The following FRMPD4 variants were observed in gnomAD, a reference collection of about 807,000 sequenced individuals.
The protein encoded by FRMPD4 is FERM and PDZ domain-containing protein 4.
In FRMPD4, 22 loss-of-function variants were observed where a neutral mutation model predicts 94.1. The ratio of observed to expected loss-of-function variants is 0.23; its 90% CI spans 0.17 to 0.33. FRMPD4 has a LOEUF of 0.33. FRMPD4 is among the 10% of genes least tolerant of loss of function. FRMPD4 has a pLI of 1.00. For missense variants in FRMPD4, 1,111 were observed against 1,339.9 expected (o/e 0.83, Z 2.67); for synonymous variants, 631 against 548.6 (o/e 1.15, Z -2.10).
intron 2 of FRMPD4, among the ~76,000 whole-genome samples, chrX:12,566,480 A>T (rs754176718): frequency 8.9e-6 from 1 of 111,957 alleles, no homozygotes; most frequent in South Asian, 3.8e-4. Context: ...CAAAAAAAAG[A>T]TTCACTTCAT....
intron 1 of FRMPD4, among the ~76,000 whole-genome samples, chrX:11,854,523 C>T (rs1453495413): frequency 8.9e-6 from 1 of 112,262 alleles, no homozygotes; most frequent in African/African-American, 3.2e-5. Flanking sequence ...AGTAATACTT[C>T]CTAGATACAA....
chrX:12,679,920 G>C lies in FRMPD4; in HGVS notation c.469-3563G>C, dbSNP rs767673546. On this transcript the variant is annotated intron_variant, in intron 5 of 16. Coordinates refer to ENST00000675598, the MANE Select transcript of FRMPD4 (RefSeq NM_001368397.1). ...TGAGCACCTCCCAAATCAGCTACCT[G>C]TTTGTGAATCCTTGTCTTAGGTCTG... 8.1e-5 allele frequency among the ~76,000 whole-genome samples: 9 copies of C among 111,587 alleles called. No homozygotes were observed. In the South Asian group the frequency reaches 3.5e-3, roughly 43 times the overall value.
At chrX:12,340,440 G>A (rs1388888532) in intron 1 of FRMPD4, among the ~76,000 whole-genome samples, 1 of 111,645 alleles carries the variant, frequency 9.0e-6, no homozygotes, top group Non-Finnish European at 1.9e-5. Flanking sequence ...AAACTGATTA[G>A]TTAGTTGGGA....
chrX:12,589,808 A>C (rs777072755), intron 2 of FRMPD4, among the ~76,000 whole-genome samples: 3 of 112,050 alleles, frequency 2.7e-5, no homozygotes, highest in Non-Finnish European at 5.6e-5. Flanking sequence ...TGTTTCTACC[A>C]AACATTTTCT....
chrX:12,556,571 ACT>A (rs765258763), intron 2 of FRMPD4, among the ~76,000 whole-genome samples: 1 of 111,398 alleles, frequency 9.0e-6, no homozygotes, highest in Non-Finnish European at 1.9e-5. Flanking sequence ...ATTTCATGAA[ACT>A]CTGACCAGAG....
chrX:12,556,502 C>T (rs999645753), intron 2 of FRMPD4, among the ~76,000 whole-genome samples: 1 of 111,436 alleles, frequency 9.0e-6, no homozygotes, highest in African/African-American at 3.3e-5. Flanking sequence ...AAGCACTGAG[C>T]TTAGAAAAGA....
At chrX:12,307,968 G>A (rs759064452) in intron 1 of FRMPD4, among the ~76,000 whole-genome samples, 42 of 111,479 alleles carry the variant, frequency 3.8e-4, no homozygotes, top group Non-Finnish European at 1.1e-4. Flanking sequence ...ATGTGTTTGC[G>A]TGTAGCTATG....
At chrX:12,171,512 T>A (rs905985483) in intron 1 of FRMPD4, among the ~76,000 whole-genome samples, 1 of 111,020 alleles carries the variant, frequency 9.0e-6, no homozygotes, top group African/African-American at 3.3e-5. Flanking sequence ...CACTTTAGAG[T>A]AGAGCTTGGG....
chrX:12,057,779 T>A (rs1324653314), intron 3 of FRMPD4, among the ~76,000 whole-genome samples: 1 of 111,772 alleles, frequency 8.9e-6, no homozygotes, highest in Non-Finnish European at 1.9e-5. Flanking sequence ...CTTCATTTAA[T>A]AAATTTTGAA....
intron 1 of FRMPD4, among the ~76,000 whole-genome samples, chrX:12,161,159 A>G (rs1375080225): frequency 1.1e-5 from 1 of 90,449 alleles, no homozygotes; most frequent in Non-Finnish European, 2.2e-5. Context: ...TTGTGTCCCA[A>G]GAACTTTTTT....
chrX:11,903,393 T>A (rs1237809334), intron 3 of FRMPD4, among the ~76,000 whole-genome samples: 1 of 112,738 alleles, frequency 8.9e-6, no homozygotes, highest in Non-Finnish European at 1.9e-5. Flanking sequence ...TATACAGTTT[T>A]AATTCCTTGA....
intron 3 of FRMPD4, among the ~76,000 whole-genome samples, chrX:12,024,104 C>T (rs1409250304): frequency 8.9e-6 from 1 of 112,081 alleles, no homozygotes. Context: ...CTTTTGCCTT[C>T]CATTTCCATT....
upstream of FRMPD4, among the ~76,000 whole-genome samples, chrX:12,135,948 T>C (rs1410316781): frequency 9.0e-6 from 1 of 111,381 alleles, no homozygotes; most frequent in Non-Finnish European, 1.9e-5. Context: ...AGGGAACGTG[T>C]CGGTGGCCAC....
intron 2 of FRMPD4, among the ~76,000 whole-genome samples, chrX:11,872,570 GATAA>G (rs1372547668): frequency 8.9e-6 from 1 of 112,127 alleles, no homozygotes. Flanking sequence ...GAAAAAGAAA[GATAA>G]ATGACAGCAC....
intron 3 of FRMPD4, among the ~76,000 whole-genome samples, chrX:11,993,129 T>G (rs181104897): frequency 9.0e-6 from 1 of 110,958 alleles, no homozygotes; most frequent in African/African-American, 3.3e-5. Flanking sequence ...AGGTTATTTT[T>G]ATATCTTTTT....
rs1050418110 is a variant in FRMPD4, at chrX:12,465,958, A to G, written c.42-32722A>G. 4.9e-5 allele frequency among the ~76,000 whole-genome samples: 5 copies of G among 101,060 alleles called. No individual in the cohort carries two copies. In the Admixed American group the frequency reaches 5.8e-4, roughly 12 times the overall value. 87.8% of individuals were successfully genotyped at this position (101,060 alleles called of 115,157 possible). The stretch of plus-strand genomic sequence containing the variant: ...GTTCCATGCCTGGGTACAGCCATCA[A>G]TTTCCCTGACCTGTGTTCTCATTTC... On this transcript the variant is annotated intron_variant, in intron 1 of 16. Coordinates refer to ENST00000675598, the MANE Select transcript of FRMPD4 (RefSeq NM_001368397.1).
chrX:12,680,698 T>G (rs2059962465), intron 5 of FRMPD4, among the ~76,000 whole-genome samples: 1 of 112,261 alleles, frequency 8.9e-6, no homozygotes, highest in Non-Finnish European at 1.9e-5. Flanking sequence ...CAACCTTGGC[T>G]ATTTAGTTTC....
At chrX:12,353,936 C>T (rs2055853105) in intron 1 of FRMPD4, among the ~76,000 whole-genome samples, 1 of 111,916 alleles carries the variant, frequency 8.9e-6, no homozygotes, top group South Asian at 3.7e-4. Context: ...AGGAGAAAGA[C>T]ACGACTACTG....
At chrX:11,995,907 C>T (rs1238439099) in intron 3 of FRMPD4, among the ~76,000 whole-genome samples, 2 of 112,138 alleles carry the variant, frequency 1.8e-5, no homozygotes, top group South Asian at 3.7e-4. Flanking sequence ...TGCGTTAGGA[C>T]GTGGCTGAAA....
Sources: gnomAD v4.1 joint callset for allele counts (sites outside exome capture counted in the v4.1 genomes callset) on GRCh38, gnomAD v4.1.1 for gene constraint, MANE v1.5 for transcripts, NCBI Gene and HGNC (gene_info 2026-07-23, HGNC 2026-07-21) for gene names.